The following EDN2 variants were observed in gnomAD, a reference collection of about 807,000 sequenced individuals.
The protein encoded by EDN2 is endothelin 2, also known as endothelin-2.
In EDN2, 10 loss-of-function variants were observed where a neutral mutation model predicts 19.9. The observed-to-expected ratio is 0.50, with a 90% CI of 0.31 to 0.85. EDN2 has a LOEUF of 0.85. Ranked by LOEUF, EDN2 falls within the 40% of genes least tolerant of loss-of-function variation. The probability of loss-of-function intolerance (pLI) is 0.05; values close to 1 mark genes in which losing one functional copy is unlikely to be tolerated. For missense variants in EDN2, 222 were observed against 239.3 expected, an observed-to-expected ratio of 0.93 and a Z score of 0.48; for synonymous variants, 84 against 94.9, an observed-to-expected ratio of 0.89 and a Z score of 0.67.
chr1:41,479,427 G>T lies in EDN2; in HGVS notation c.519C>A (p.Ser173=). 6.2e-7 allele frequency: 1 copy of T among 1,613,764 alleles called. No individual in the cohort carries two copies. The highest frequency in any genetic ancestry group is 1.1e-5 in the South Asian group (1 of 91,076). ...CACGACACTATCTCTTCCTCCACCT[G>T]GAATGTGTGGACCGAGGCTCCCGCA... ...EAMREPRSTH[S]RWRKR Residue 173 remains serine, a synonymous_variant, in exon 5 of 5, where the codon TCC becomes TCA. Coordinates refer to ENST00000372587, the MANE Select transcript of EDN2 (RefSeq NM_001956.5).
At chr1:41,479,657 G>T (rs1644230608) in intron 4 of EDN2, among the ~76,000 whole-genome samples, 155 bp from the exon 5 acceptor site, 1 of 152,226 alleles carries the variant, frequency 6.6e-6, no homozygotes. Flanking sequence ...TGAAAACAAG[G>T]TCTGCACAAC....
chr1:41,479,344 C>T lies in EDN2; in HGVS notation c.*65G>A. 1 of 1,379,928 alleles carries T rather than the reference C, an allele frequency of 7.2e-7. No homozygotes were observed. Among genetic ancestry groups the T allele is most frequent in the South Asian group, 1.2e-5 (1 of 84,772 alleles). The allele number at this position is 1,379,928 out of a possible 1,614,324, so 85.5% of individuals were successfully genotyped here. On this transcript the variant is annotated 3_prime_UTR_variant, in exon 5 of 5. Coordinates refer to ENST00000372587, the MANE Select transcript of EDN2 (RefSeq NM_001956.5). ...GAAGCAGGCAGAGAGTCCACAAGCCCTGGCCACTTCTCTCCTCCTCTCTCC... is the reference window on the plus strand; with the variant it reads ...GAAGCAGGCAGAGAGTCCACAAGCCTTGGCCACTTCTCTCCTCCTCTCTCC...
In EDN2 at chr1:41,484,255, C is replaced by T. The variant is rs958487502; in HGVS notation, c.65-52G>A. 3.1e-6 allele frequency: 5 copies of T among 1,589,470 alleles called. No individual in the cohort carries two copies. The East Asian group carries it at 9.0e-5, about 29-fold the overall frequency. Reference sequence around the variant, plus strand: ...TGGAGAGGTGGGTTGGGGTGCCTGGCACATCCCAGAGTGGGGGACCCACCA... The same window carrying T: ...TGGAGAGGTGGGTTGGGGTGCCTGGTACATCCCAGAGTGGGGGACCCACCA... On this transcript the variant is annotated intron_variant, in intron 1 of 4. Coordinates refer to ENST00000372587, the MANE Select transcript of EDN2 (RefSeq NM_001956.5).
Position 41,479,507 on chromosome 1 carries a change from G to A in EDN2, c.444-5C>T, listed in dbSNP as rs776056849. The A allele has an allele frequency of 6.2e-7, 1 of 1,613,112 alleles. No homozygotes were observed. Among genetic ancestry groups the A allele is most frequent in the South Asian group, 1.1e-5 (1 of 91,068 alleles). ...CTCTTGACTGTGGAAATGTCCCTGGGAATCAAGAAGGGTCAACTTAGCATC... is the reference window on the plus strand; with the variant it reads ...CTCTTGACTGTGGAAATGTCCCTGGAAATCAAGAAGGGTCAACTTAGCATC... On this transcript the variant is annotated splice_polypyrimidine_tract_variant and splice_region_variant and intron_variant, in intron 4 of 4. Transcript: ENST00000372587.
chr1:41,479,423 A>G lies in EDN2; in HGVS notation c.523T>C (p.Trp175Arg), dbSNP rs771652257. The part of the protein sequence containing the change: ...MREPRSTHSR[W>R]RKR ...AGCTCACGACACTATCTCTTCCTCCACCTGGAATGTGTGGACCGAGGCTCC... is the reference window on the plus strand; with the variant it reads ...AGCTCACGACACTATCTCTTCCTCCGCCTGGAATGTGTGGACCGAGGCTCC... The change falls in exon 5 of 5, where the codon TGG becomes CGG. Residue 175 changes from tryptophan to arginine, a missense_variant. Trp to Arg is a moderately radical substitution (Grantham distance 101). Transcript: ENST00000372587. The G allele has an allele frequency of 1.9e-6, 3 of 1,613,752 alleles. No homozygotes were observed. In the Admixed American group the frequency reaches 5.0e-5, roughly 27 times the overall value.
intron 2 of EDN2, 134 bp downstream of exon 2, chr1:41,483,913 G>T: frequency 2.2e-6 from 2 of 906,742 alleles, no homozygotes; most frequent in Non-Finnish European, 3.3e-6. Context: ...ATTAACTATT[G>T]ATATTAGCCA....
chr1:41,479,152 T>G lies in EDN2; in HGVS notation c.*257A>C. The stretch of plus-strand genomic sequence containing the variant: ...CCCCATGCAGTTCTTCCAGCAGAGC[T>G]GTGGGCCAGCAGCCAGCACTGGAGG... On this transcript the variant is annotated 3_prime_UTR_variant, in exon 5 of 5. Coordinates refer to ENST00000372587, the MANE Select transcript of EDN2 (RefSeq NM_001956.5). 1.7e-6 allele frequency: 1 copy of G among 591,844 alleles called. No homozygotes were observed. 36.7% of individuals were successfully genotyped at this position (591,844 alleles called of 1,614,324 possible).
chr1:41,484,530 C>A lies in EDN2; in HGVS notation c.64+8G>T, dbSNP rs773896782. The A allele has an allele frequency of 6.1e-5, 94 of 1,552,804 alleles. No individual in the cohort carries two copies. The highest frequency in any genetic ancestry group is 7.8e-5 in the Non-Finnish European group (90 of 1,147,874). ...CTGTAGGCAGCAGGTGAGGCCAGGG[C>A]AGCTCACCTTCATGCAGGGCCACGA... On this transcript the variant is annotated splice_region_variant and intron_variant, in intron 1 of 4. Transcript: ENST00000372587.
At position 41,478,988 on chromosome 1, in the gene EDN2, C is replaced by G. The variant is rs1450424488; in HGVS notation, c.*421G>C. ...GGAAAGCTGGAGAGGACACAGCCAG[C>G]CAGGATGCCAGCCTCAGGGGAGCCA... is the stretch of plus-strand genomic sequence containing the variant. On this transcript the variant is annotated 3_prime_UTR_variant, in exon 5 of 5. Coordinates refer to ENST00000372587, the MANE Select transcript of EDN2 (RefSeq NM_001956.5). The G allele has an allele frequency of 5.9e-6, 2 of 336,770 alleles. No homozygotes were observed. Among genetic ancestry groups the G allele is most frequent in the East Asian group, 1.5e-4 (2 of 13,192 alleles). 20.9% of individuals were successfully genotyped at this position (336,770 alleles called of 1,614,324 possible). A position where few individuals can be genotyped will look rare whatever the true frequency, so the allele number is the denominator to read the frequency against.
At chr1:41,483,889 C>T in intron 2 of EDN2, 158 bp downstream of exon 2, 1 of 775,862 alleles carries the variant, frequency 1.3e-6, no homozygotes, top group Non-Finnish European at 2.0e-6. Context: ...GGTCCCCACT[C>T]AGGAATTGAA....
rs1272669320 is a variant in EDN2 at position 41,479,116 on chromosome 1, A to G, written c.*293T>C. The G allele has an allele frequency of 4.1e-6, 2 of 482,814 alleles. No homozygotes were observed. The highest frequency in any genetic ancestry group is 7.8e-6 in the Non-Finnish European group (2 of 255,824). 29.9% of individuals were successfully genotyped at this position (482,814 alleles called of 1,614,324 possible). A position where few individuals can be genotyped will look rare whatever the true frequency, so the allele number is the denominator to read the frequency against. ...ACACTCCTCAGGACGCAGCCTCCAG[A>G]TGAATGTACTCCCCATGCAGTTCTT... On this transcript the variant is annotated 3_prime_UTR_variant, in exon 5 of 5. Coordinates refer to ENST00000372587, the MANE Select transcript of EDN2 (RefSeq NM_001956.5).
chr1:41,481,979 G>A (rs1644251420), intron 3 of EDN2, among the ~76,000 whole-genome samples: 1 of 152,196 alleles, frequency 6.6e-6, no homozygotes, highest in Non-Finnish European at 1.5e-5. Context: ...AGGCTCCCCA[G>A]CAACTCTGGG....
Position 41,481,179 on chromosome 1 carries a change from G to GCCCCGGCTC in EDN2, c.358_359insGAGCCGGGG (p.Gly119_Ala120insGlyAlaGly). ...TGCAGGGGACTTCCGGCTTGGGACT[G>GCCCCGGCTC]CCCCGGCTTCAGTCCTACGTGAATA... On this transcript the variant is annotated inframe_insertion, in exon 4 of 5. Coordinates refer to ENST00000372587, the MANE Select transcript of EDN2 (RefSeq NM_001956.5). 6.2e-7 allele frequency: 1 copy of GCCCCGGCTC among 1,613,938 alleles called. No homozygotes were observed. Among genetic ancestry groups the GCCCCGGCTC allele is most frequent in the Non-Finnish European group, 8.5e-7 (1 of 1,180,004 alleles).
intron 2 of EDN2, among the ~76,000 whole-genome samples, chr1:41,483,233 G>A (rs528806491): frequency 3.2e-4 from 48 of 152,342 alleles, no homozygotes; most frequent in African/African-American, 1.0e-3. Context: ...CAGCACTTTC[G>A]AGTGACAGAG....
intron 3 of EDN2, among the ~76,000 whole-genome samples, chr1:41,481,910 C>A (rs529613279): frequency 6.6e-6 from 1 of 152,268 alleles, no homozygotes; most frequent in East Asian, 1.9e-4. Context: ...AGGAACAAAG[C>A]CTCCCACCAC....
chr1:41,481,306 G>A (rs1191697954), intron 3 of EDN2, 113 bp from the exon 4 acceptor site: 2 of 784,236 alleles, frequency 2.6e-6, no homozygotes, highest in South Asian at 1.7e-5. Context: ...GCCTGCGGGA[G>A]CAGATCCATT....
In EDN2 at chr1:41,484,135, G is replaced by T; in HGVS notation, c.133C>A (p.Arg45=). 6.2e-7 allele frequency: 1 copy of T among 1,613,702 alleles called. No homozygotes were observed. Among genetic ancestry groups the T allele is most frequent in the Non-Finnish European group, 8.5e-7 (1 of 1,180,012 alleles). Residue 45 remains arginine (R), a synonymous_variant, in exon 2 of 5, where the codon CGG becomes AGG. Coordinates refer to ENST00000372587, the MANE Select transcript of EDN2 (RefSeq NM_001956.5). ...GAGCTGCAGGAGCAACGGCGAAGCC[G>T]AAGGTGGGTGCCTTGGGCATGAGAT... ...SSSHAQGTHL[R]LRRCSCSSWL...
Position 41,484,609 on chromosome 1 carries a change from G to A in EDN2, c.-8C>T. On this transcript the variant is annotated 5_prime_UTR_variant, in exon 1 of 5. Coordinates refer to ENST00000372587, the MANE Select transcript of EDN2 (RefSeq NM_001956.5). ...GGTAGGCACGGAGACCATAGCGGCG[G>A]TGGAGCGCGCAGGCTGGACTGGAGC... 6.4e-7 allele frequency: 1 copy of A among 1,555,348 alleles called. No individual in the cohort carries two copies. Among genetic ancestry groups the A allele is most frequent in the Non-Finnish European group, 8.7e-7 (1 of 1,149,158 alleles).
In EDN2 at chr1:41,484,605, G is replaced by A. The variant is rs922695775; in HGVS notation, c.-4C>T. 3.2e-6 allele frequency: 5 copies of A among 1,556,246 alleles called. No homozygotes were observed. The highest frequency in any genetic ancestry group is 2.7e-5 in the African/African-American group (2 of 73,276). ...AGGTGGTAGGCACGGAGACCATAGC[G>A]GCGGTGGAGCGCGCAGGCTGGACTG... On this transcript the variant is annotated 5_prime_UTR_variant, in exon 1 of 5. Coordinates refer to ENST00000372587, the MANE Select transcript of EDN2 (RefSeq NM_001956.5).
Sources: allele counts gnomAD v4.1 joint callset (sites outside exome capture counted in the v4.1 genomes callset), GRCh38; gene constraint gnomAD v4.1.1; transcripts MANE v1.5; gene names NCBI Gene and HGNC (gene_info 2026-07-23, HGNC 2026-07-21).